The following SGCZ variants were observed in gnomAD, a reference collection of about 807,000 sequenced individuals.
SGCZ encodes sarcoglycan zeta, also known as zeta-sarcoglycan.
A neutral mutation model predicts 41.3 loss-of-function variants in SGCZ; 40 were observed. That is an observed-to-expected ratio of 0.97 (90% CI 0.75 to 1.26). SGCZ has a LOEUF of 1.26. Among genes scored for constraint, SGCZ ranks in the 50% most tolerant of loss-of-function variants. The probability of loss-of-function intolerance (pLI) is 0.00; values close to 1 mark genes in which losing one functional copy is unlikely to be tolerated. For synonymous variants in SGCZ, 206 were observed against 137.5 expected (o/e 1.50, Z -3.49); for missense variants, 552 against 369.8 (o/e 1.49, Z -4.04).
At chr8:14,833,217 G>A (rs533067872) in intron 1 of SGCZ, among the ~76,000 whole-genome samples, 1 of 152,164 alleles carries the variant, frequency 6.6e-6, no homozygotes, top group South Asian at 2.1e-4. Flanking sequence ...TCACATTAAT[G>A]ATCGTTAAAC....
At chr8:14,764,663 A>G (rs1585241017) in intron 1 of SGCZ, among the ~76,000 whole-genome samples, 1 of 152,208 alleles carries the variant, frequency 6.6e-6, no homozygotes, top group African/African-American at 2.4e-5. Flanking sequence ...TCATCGCTCT[A>G]GATTAAAGGA....
intron 1 of SGCZ, among the ~76,000 whole-genome samples, chr8:14,944,722 G>A (rs1800384359): frequency 1.3e-5 from 2 of 152,108 alleles, no homozygotes; most frequent in African/African-American, 4.8e-5. Context: ...CCCATTGTAG[G>A]CTGAGGATTT....
chr8:14,169,675 G>A lies in SGCZ; in HGVS notation c.425-4973C>T, dbSNP rs567025184. ...GCTATCTTTCGCTAGTAATTGTCCAGTTCTGTTATGAGCATTATTTTCTCT... is the reference window on the plus strand; with the variant it reads ...GCTATCTTTCGCTAGTAATTGTCCAATTCTGTTATGAGCATTATTTTCTCT... On this transcript the variant is annotated intron_variant, in intron 4 of 7. Transcript: ENST00000382080. Among the ~76,000 whole-genome samples, 237 of 152,228 alleles carry A rather than the reference G, an allele frequency of 1.6e-3. 1 individual carries two copies. The highest frequency in any genetic ancestry group is 5.3e-3 in the African/African-American group (222 of 41,530).
chr8:14,527,364 C>T (rs76880293), intron 2 of SGCZ, among the ~76,000 whole-genome samples: 2,815 of 152,178 alleles, frequency 0.018, 92 homozygotes, highest in African/African-American at 0.064. Context: ...CGCAGTGGCG[C>T]GATTATGGCT....
At chr8:14,978,456 G>T (rs1801555956) in intron 1 of SGCZ, among the ~76,000 whole-genome samples, 1 of 110,444 alleles carries the variant, frequency 9.1e-6, no homozygotes, top group Non-Finnish European at 1.7e-5. Context: ...GGAGGACCGA[G>T]TGAGACACCG....
At position 14,558,298 on chromosome 8, in the gene SGCZ, G is replaced by T. The variant is rs559690318; in HGVS notation, c.40-3372C>A. Among the ~76,000 whole-genome samples, 78 of 152,164 alleles carry T rather than the reference G, an allele frequency of 5.1e-4. No homozygotes were observed. The South Asian group carries it at 0.016, about 30-fold the overall frequency. The stretch of plus-strand genomic sequence containing the variant: ...CAAAAGATAGAGTAAGAGGGAGCTG[G>T]GCACAGTGGTTCACACCTGTAATCT... On this transcript the variant is annotated intron_variant, in intron 1 of 7. Transcript: ENST00000382080.
At chr8:14,246,243 G>T (rs990196192) in intron 3 of SGCZ, among the ~76,000 whole-genome samples, 20 of 152,234 alleles carry the variant, frequency 1.3e-4, no homozygotes, top group African/African-American at 3.9e-4. Flanking sequence ...GTGGCACATA[G>T]ACACCATGGA....
intron 1 of SGCZ, among the ~76,000 whole-genome samples, chr8:14,718,919 T>G (rs1418224211): frequency 6.7e-6 from 1 of 149,882 alleles, no homozygotes; most frequent in Non-Finnish European, 1.5e-5. Context: ...TAGTTACACA[T>G]GTATACATGT....
chr8:14,781,109 A>G (rs1379188149), intron 1 of SGCZ, among the ~76,000 whole-genome samples: 1 of 152,226 alleles, frequency 6.6e-6, no homozygotes, highest in African/African-American at 2.4e-5. Flanking sequence ...CAGTATTACC[A>G]TCATATTACG....
chr8:14,875,861 G>A (rs1282366655), intron 1 of SGCZ, among the ~76,000 whole-genome samples: 1 of 152,096 alleles, frequency 6.6e-6, no homozygotes, highest in South Asian at 2.1e-4. Flanking sequence ...GAAAAATGGG[G>A]ATAACATCAC....
At chr8:14,291,249 A>T (rs1361024458) in intron 3 of SGCZ, among the ~76,000 whole-genome samples, 1 of 152,052 alleles carries the variant, frequency 6.6e-6, no homozygotes, top group African/African-American at 2.4e-5. Flanking sequence ...TAGGTTAAAG[A>T]GAGTTAACAA....
chr8:14,267,027 T>G (rs1799894648), intron 3 of SGCZ, among the ~76,000 whole-genome samples: 1 of 152,140 alleles, frequency 6.6e-6, no homozygotes, highest in Non-Finnish European at 1.5e-5. Flanking sequence ...AATCATATCA[T>G]CTTATGTTTT....
At chr8:14,258,892 C>T (rs1271737522) in intron 3 of SGCZ, among the ~76,000 whole-genome samples, 1 of 152,112 alleles carries the variant, frequency 6.6e-6, no homozygotes, top group African/African-American at 2.4e-5. Flanking sequence ...CAACTAACTT[C>T]CAAAAATAAT....
intron 7 of SGCZ, among the ~76,000 whole-genome samples, chr8:14,093,147 C>G (rs1187588894): frequency 1.3e-5 from 2 of 152,014 alleles, no homozygotes; most frequent in Non-Finnish European, 2.9e-5. Flanking sequence ...TGAAGGGTAT[C>G]CCTAAATTGA....
intron 2 of SGCZ, among the ~76,000 whole-genome samples, chr8:14,449,389 C>A (rs1563336732): frequency 6.6e-6 from 1 of 152,154 alleles, no homozygotes; most frequent in Admixed American, 6.6e-5. Flanking sequence ...CTTTTCTAGA[C>A]CTGGATCATT....
chr8:14,531,799 T>C (rs1325061735), intron 2 of SGCZ, among the ~76,000 whole-genome samples: 1 of 152,090 alleles, frequency 6.6e-6, no homozygotes, highest in African/African-American at 2.4e-5. Context: ...CCACTAGGAA[T>C]GTCTAGTAGA....
In SGCZ at chr8:14,426,764, G is replaced by A. The variant is rs532752314; in HGVS notation, c.235-102560C>T. ...GGAAGTAATAAAAAGTGTATGCTGA[G>A]AAAAAGGTACAGGTGTTTTACTAAA... On this transcript the variant is annotated intron_variant, in intron 2 of 7. Transcript: ENST00000382080. 6.8e-4 allele frequency among the ~76,000 whole-genome samples: 104 copies of A among 152,198 alleles called. 2 individuals are homozygous for A. Among genetic ancestry groups the A allele is most frequent in the Middle Eastern group, 6.8e-3 (2 of 294 alleles).
At chr8:14,535,346 A>T (rs1270535902) in intron 2 of SGCZ, among the ~76,000 whole-genome samples, 1 of 151,880 alleles carries the variant, frequency 6.6e-6, no homozygotes, top group Non-Finnish European at 1.5e-5. Flanking sequence ...TTCTCCTAAA[A>T]ACTCTATGTG....
chr8:15,087,390 T>A (rs1000482624), intron 1 of SGCZ, among the ~76,000 whole-genome samples: 1 of 152,112 alleles, frequency 6.6e-6, no homozygotes, highest in African/African-American at 2.4e-5. Context: ...TATGTGATGT[T>A]AACGTCAATA....
Sources: gnomAD v4.1 joint callset for allele counts (sites outside exome capture counted in the v4.1 genomes callset) on GRCh38, gnomAD v4.1.1 for gene constraint, MANE v1.5 for transcripts, NCBI Gene and HGNC (gene_info 2026-07-23, HGNC 2026-07-21) for gene names.